The following PTPRD variants were observed in gnomAD, a reference collection of about 807,000 sequenced individuals.
PTPRD encodes receptor-type tyrosine-protein phosphatase delta.
In PTPRD, 34 loss-of-function variants were observed where a neutral mutation model predicts 214.5. The ratio of observed to expected loss-of-function variants is 0.16; its 90% CI spans 0.12 to 0.21. The LOEUF (loss-of-function observed/expected upper bound fraction) is 0.21, where lower values mean the gene tolerates loss of function less well. Ranked by LOEUF, PTPRD falls within the 10% of genes least tolerant of loss-of-function variation. PTPRD has a pLI of 1.00. For synonymous variants in PTPRD, 1,128 were observed against 845.7 expected (o/e 1.33, Z -5.79); for missense variants, 2,545 against 2,398.7 (o/e 1.06, Z -1.27).
intron 11 of PTPRD, among the ~76,000 whole-genome samples, chr9:8,820,576 T>G (rs1280223746): frequency 1.3e-5 from 2 of 152,186 alleles, no homozygotes; most frequent in Non-Finnish European, 2.9e-5. Context: ...AGGATACATT[T>G]TTATGTTTTT....
intron 9 of PTPRD, among the ~76,000 whole-genome samples, chr9:9,312,562 G>A (rs1427427613): frequency 6.6e-6 from 1 of 152,124 alleles, no homozygotes; most frequent in East Asian, 1.9e-4. Context: ...ACATCCCAAA[G>A]ATGTGCATGT....
At chr9:9,827,398 C>G (rs1336000200) in intron 5 of PTPRD, among the ~76,000 whole-genome samples, 1 of 152,094 alleles carries the variant, frequency 6.6e-6, no homozygotes, top group South Asian at 2.1e-4. Flanking sequence ...CAAAAACAAG[C>G]AATGGGGAAA....
chr9:10,072,494 G>A (rs535022991), intron 3 of PTPRD, among the ~76,000 whole-genome samples: 11 of 152,032 alleles, frequency 7.2e-5, no homozygotes, highest in Admixed American at 5.2e-4. Flanking sequence ...TGTGAAGGTC[G>A]AAAGAACACA....
rs1567445305 is a variant in PTPRD at position 10,065,188 on chromosome 9, AAAG to A, written c.-544-31401_-544-31399del. On this transcript the variant is annotated intron_variant, in intron 3 of 45. Transcript: ENST00000381196. ...GAAAGAAAGAAAGAAAGAAAGAAAG[AAAG>A]AAAAGGATGCTTTGCAGAGGTCCAG... is the stretch of plus-strand genomic sequence containing the variant. 1.3e-4 allele frequency among the ~76,000 whole-genome samples: 20 copies of A among 151,494 alleles called. No individual in the cohort carries two copies. The South Asian group carries it at 4.2e-3, about 32-fold the overall frequency.
intron 11 of PTPRD, among the ~76,000 whole-genome samples, chr9:8,807,085 C>T (rs1222646316): frequency 6.6e-6 from 1 of 152,090 alleles, no homozygotes; most frequent in Non-Finnish European, 1.5e-5. Context: ...GCTTGTAATC[C>T]TAGCAATTTG....
intron 8 of PTPRD, among the ~76,000 whole-genome samples, chr9:9,545,274 G>C (rs543994359): frequency 6.6e-6 from 1 of 151,654 alleles, no homozygotes; most frequent in African/African-American, 2.4e-5. Flanking sequence ...TAGTTCCACT[G>C]TGCTAAAAAT....
intron 3 of PTPRD, among the ~76,000 whole-genome samples, chr9:10,283,784 C>A (rs960816508): frequency 6.6e-6 from 1 of 152,116 alleles, no homozygotes; most frequent in African/African-American, 2.4e-5. Context: ...AAGTAAAGTC[C>A]TTTCAATCCT....
Position 9,615,878 on chromosome 9 carries a change from G to C in PTPRD, c.-286-41097C>G, listed in dbSNP as rs543816993. Among the ~76,000 whole-genome samples, 16 of 152,254 alleles carry C rather than the reference G, an allele frequency of 1.1e-4. No homozygotes were observed. The East Asian group carries it at 1.5e-3, about 15-fold the overall frequency. ...GTGATAGAGTTGGGCTTCAAAACAAGTCCTCTCTCAATAGGATGGCTGTGT... is the reference window on the plus strand; with the variant it reads ...GTGATAGAGTTGGGCTTCAAAACAACTCCTCTCTCAATAGGATGGCTGTGT... On this transcript the variant is annotated intron_variant, in intron 7 of 45. Coordinates refer to ENST00000381196, the MANE Select transcript of PTPRD (RefSeq NM_002839.4).
intron 22 of PTPRD, 34 bp downstream of exon 22, chr9:8,507,267 A>T (rs2097562094): frequency 3.1e-6 from 5 of 1,599,296 alleles, no homozygotes; most frequent in Admixed American, 1.8e-5. Context: ...CACGTAATGA[A>T]TAATTCCCAA....
At chr9:8,720,767 C>A (rs1051389643) in intron 12 of PTPRD, among the ~76,000 whole-genome samples, 2 of 152,074 alleles carry the variant, frequency 1.3e-5, no homozygotes, top group Admixed American at 6.5e-5. Flanking sequence ...TAAGCTGTGA[C>A]TGTGACATAA....
chr9:9,775,400 T>G (rs1445593141), intron 5 of PTPRD, among the ~76,000 whole-genome samples: 1 of 152,172 alleles, frequency 6.6e-6, no homozygotes, highest in Non-Finnish European at 1.5e-5. Flanking sequence ...CTCTCCATCT[T>G]TGGGCAAGTT....
chr9:8,897,732 A>G (rs1194896717), intron 11 of PTPRD, among the ~76,000 whole-genome samples: 1 of 152,166 alleles, frequency 6.6e-6, no homozygotes, highest in African/African-American at 2.4e-5. Context: ...GACGTTGGCA[A>G]CCTGAGATAT....
At chr9:8,947,851 T>G (rs1411743274) in intron 11 of PTPRD, among the ~76,000 whole-genome samples, 1 of 152,152 alleles carries the variant, frequency 6.6e-6, no homozygotes, top group African/African-American at 2.4e-5. Flanking sequence ...AAACAAAATG[T>G]GCCAGACACT....
chr9:10,244,696 T>A (rs995550081), intron 3 of PTPRD, among the ~76,000 whole-genome samples: 1 of 152,062 alleles, frequency 6.6e-6, no homozygotes, highest in Admixed American at 6.6e-5. Context: ...ATGGCCCATA[T>A]GGAAAAAAAT....
intron 5 of PTPRD, among the ~76,000 whole-genome samples, chr9:9,793,405 T>C (rs1223027291): frequency 6.6e-6 from 1 of 152,094 alleles, no homozygotes; most frequent in Non-Finnish European, 1.5e-5. Flanking sequence ...TGATCTTCTA[T>C]TATCAGCAGC....
chr9:9,220,419 T>C (rs1338646828), intron 9 of PTPRD, among the ~76,000 whole-genome samples: 1 of 151,540 alleles, frequency 6.6e-6, no homozygotes, highest in Admixed American at 6.6e-5. Context: ...TGAAGGCCAA[T>C]ACACTAACTA....
rs1281391528 is a variant in PTPRD at position 10,343,884 on chromosome 9, C to G, written c.-599-2867G>C. Among the ~76,000 whole-genome samples, 3 of 149,846 alleles carry G rather than the reference C, an allele frequency of 2.0e-5. No individual in the cohort carries two copies. In the East Asian group the frequency reaches 5.9e-4, roughly 30 times the overall value. On this transcript the variant is annotated intron_variant, in intron 2 of 45. Transcript: ENST00000381196. ...TCGTTTTCTTGTAAATTTGTTTGAG[C>G]TCTTCGTAGATTCTGGATATTAGCT...
chr9:8,495,942 A>G (rs2097255816), intron 26 of PTPRD, among the ~76,000 whole-genome samples: 1 of 152,150 alleles, frequency 6.6e-6, no homozygotes, highest in South Asian at 2.1e-4. Flanking sequence ...TTGAAGAGTT[A>G]AAGACTGACC....
intron 3 of PTPRD, among the ~76,000 whole-genome samples, chr9:10,292,064 T>C (rs1396808512): frequency 2.0e-5 from 3 of 152,168 alleles, no homozygotes; most frequent in Non-Finnish European, 4.4e-5. Flanking sequence ...GGTCCCTATA[T>C]TATGAAAAGT....
Sources: gnomAD v4.1 joint callset for allele counts (sites outside exome capture counted in the v4.1 genomes callset) on GRCh38, gnomAD v4.1.1 for gene constraint, MANE v1.5 for transcripts, NCBI Gene and HGNC (gene_info 2026-07-23, HGNC 2026-07-21) for gene names.